RGL1: variants seen among roughly 807,000 people sequenced by gnomAD.
RGL1 encodes the protein ral guanine nucleotide dissociation stimulator like 1.
Under a neutral mutation model 95.2 loss-of-function variants are expected in RGL1, and 24 were observed. The ratio of observed to expected loss-of-function variants is 0.25; its 90% CI spans 0.18 to 0.35. The LOEUF (loss-of-function observed/expected upper bound fraction) is 0.35. RGL1 is among the 10% of genes least tolerant of loss of function. RGL1 has a pLI of 1.00. For missense variants in RGL1, 715 were observed against 936.3 expected (o/e 0.76, Z 3.08); for synonymous variants, 329 against 344.9 (o/e 0.95, Z 0.51).
At chr1:183,686,698 G>A (rs9650989) in intron 1 of RGL1, among the ~76,000 whole-genome samples, 106,159 of 152,002 alleles carry the variant, frequency 0.7, 37,450 homozygotes, top group East Asian at 0.91. Context: ...GATTATACCT[G>A]TACCTAGGTG....
chr1:183,878,917 C>T (rs1295979988), intron 4 of RGL1, among the ~76,000 whole-genome samples: 3 of 152,106 alleles, frequency 2.0e-5, no homozygotes, highest in Admixed American at 2.0e-4. Context: ...AAACATTAAG[C>T]AAGTATAGTG....
Position 183,818,564 on chromosome 1 carries a change from C to G in RGL1, c.138+12079C>G, listed in dbSNP as rs549780571. ...AGTTTCCTTAGCACTTTACCAAAAG[C>G]TGTATTACAGCACTTATCACACTAT... is the stretch of plus-strand genomic sequence containing the variant. On this transcript the variant is annotated intron_variant, in intron 2 of 17. Transcript: ENST00000360851. Among the ~76,000 whole-genome samples the G allele has an allele frequency of 1.5e-4, 23 of 149,730 alleles. No homozygotes were observed. The South Asian group carries it at 4.1e-3, about 27-fold the overall frequency.
intron 1 of RGL1, among the ~76,000 whole-genome samples, chr1:183,671,831 T>G (rs555081164): frequency 4.6e-5 from 7 of 152,326 alleles, no homozygotes; most frequent in Admixed American, 4.6e-4. Flanking sequence ...CTGAAAATCC[T>G]CCAAGTGGTT....
At chr1:183,784,029 G>T (rs1660031654) in intron 2 of RGL1, among the ~76,000 whole-genome samples, 2 of 152,148 alleles carry the variant, frequency 1.3e-5, no homozygotes, top group Admixed American at 1.3e-4. Context: ...GTGTGGTGGG[G>T]CTCTAATCTG....
At chr1:183,657,977 G>A (rs1344870672) in intron 1 of RGL1, among the ~76,000 whole-genome samples, 1 of 152,164 alleles carries the variant, frequency 6.6e-6, no homozygotes, top group African/African-American at 2.4e-5. Flanking sequence ...TTTAATGATT[G>A]CCATTCTAAC....
chr1:183,703,682 A>G (rs1373553183), intron 1 of RGL1, among the ~76,000 whole-genome samples: 3 of 152,230 alleles, frequency 2.0e-5, no homozygotes, highest in Non-Finnish European at 4.4e-5. Flanking sequence ...CACCTGGAGA[A>G]AGTACAGACA....
At chr1:183,772,085 G>A (rs568310628) in intron 2 of RGL1, among the ~76,000 whole-genome samples, 12 of 152,308 alleles carry the variant, frequency 7.9e-5, no homozygotes, top group Admixed American at 5.2e-4. Context: ...TCTCCCTTCT[G>A]GCTCCCCCAT....
chr1:183,778,744 T>C (rs1482363226), intron 2 of RGL1, among the ~76,000 whole-genome samples: 1 of 152,134 alleles, frequency 6.6e-6, no homozygotes, highest in Non-Finnish European at 1.5e-5. Flanking sequence ...ATGTCTCAGG[T>C]TTTGGATCAA....
chr1:183,695,028 C>T (rs895257455), intron 1 of RGL1, among the ~76,000 whole-genome samples: 6 of 152,182 alleles, frequency 3.9e-5, no homozygotes, highest in African/African-American at 1.4e-4. Flanking sequence ...TCTCAAGTAT[C>T]CATGCTCCAA....
At chr1:183,739,716 CTT>C (rs1401550562) in intron 1 of RGL1, among the ~76,000 whole-genome samples, 3 of 152,228 alleles carry the variant, frequency 2.0e-5, no homozygotes, top group African/African-American at 7.2e-5. Context: ...GGCTGCCTCT[CTT>C]GAGTCCCTCC....
intron 1 of RGL1, among the ~76,000 whole-genome samples, chr1:183,731,982 C>A (rs1003766092): frequency 6.6e-6 from 1 of 152,144 alleles, no homozygotes; most frequent in African/African-American, 2.4e-5. Flanking sequence ...CCCATACACA[C>A]CTCGCACAAT....
chr1:183,824,613 T>A (rs780422024), intron 2 of RGL1, among the ~76,000 whole-genome samples: 15 of 152,250 alleles, frequency 9.9e-5, no homozygotes, highest in Non-Finnish European at 1.9e-4. Context: ...TTAACAATTT[T>A]GACAAGGCTC....
At chr1:183,739,589 T>C (rs371858090) in intron 1 of RGL1, among the ~76,000 whole-genome samples, 124 of 152,332 alleles carry the variant, frequency 8.1e-4, no homozygotes, top group African/African-American at 2.5e-3. Context: ...GCTCAAGATA[T>C]ATTGTACATA....
At chr1:183,741,548 G>A (rs187722530) in intron 1 of RGL1, among the ~76,000 whole-genome samples, 2 of 152,314 alleles carry the variant, frequency 1.3e-5, no homozygotes, top group East Asian at 3.9e-4. Context: ...CACAATTATT[G>A]TGGCATTTCA....
intron 4 of RGL1, among the ~76,000 whole-genome samples, chr1:183,867,420 C>G (rs1260374850): frequency 6.6e-6 from 1 of 152,130 alleles, no homozygotes; most frequent in Non-Finnish European, 1.5e-5. Flanking sequence ...CCAACTCCCT[C>G]CAGTGCTGCC....
At chr1:183,794,160 C>T (rs142703519) in intron 2 of RGL1, among the ~76,000 whole-genome samples, 1 of 151,610 alleles carries the variant, frequency 6.6e-6, no homozygotes, top group Admixed American at 6.6e-5. Flanking sequence ...AACTAGAGGT[C>T]AGTATGTTAA....
At chr1:183,800,240 C>A (rs1660916995), upstream of RGL1, among the ~76,000 whole-genome samples, 1 of 152,074 alleles carries the variant, frequency 6.6e-6, no homozygotes, top group Admixed American at 6.5e-5. Flanking sequence ...AATGTGGTGT[C>A]ATAGAGACCA....
chr1:183,721,039 G>T (rs1265731118), intron 1 of RGL1, among the ~76,000 whole-genome samples: 1 of 152,120 alleles, frequency 6.6e-6, no homozygotes, highest in Non-Finnish European at 1.5e-5. Flanking sequence ...GTTGGCAGTT[G>T]GATGTATGGA....
At chr1:183,636,258 T>G (rs1558125240) in exon 1 of RGL1, 1 of 398,040 alleles carries the variant, frequency 2.5e-6, no homozygotes, top group Non-Finnish European at 4.4e-6. Flanking sequence ...TGCCCTGCAG[T>G]TGGTAGGAGT....
Sources: gnomAD v4.1 joint callset for allele counts (sites outside exome capture counted in the v4.1 genomes callset) on GRCh38, gnomAD v4.1.1 for gene constraint, MANE v1.5 for transcripts, NCBI Gene and HGNC (gene_info 2026-07-23, HGNC 2026-07-21) for gene names.